CSMD1: variants seen among roughly 807,000 people sequenced by gnomAD.
The protein encoded by CSMD1 is CUB and Sushi multiple domains 1, also known as CUB and sushi domain-containing protein 1.
CSMD1 carries 213 observed loss-of-function variants against 417.5 expected under a neutral mutation model. That is an observed-to-expected ratio of 0.51 (90% CI 0.46 to 0.57). CSMD1 has a LOEUF of 0.57. Among genes scored for constraint, CSMD1 ranks in the 20% least tolerant of loss-of-function variants. The probability of loss-of-function intolerance (pLI) is 0.00; values close to 1 mark genes in which losing one functional copy is unlikely to be tolerated. For missense variants in CSMD1, 6,923 were observed against 4,529.7 expected, an observed-to-expected ratio of 1.53 and a Z score of -15.17; for synonymous variants, 2,862 against 1,736.8, an observed-to-expected ratio of 1.65 and a Z score of -16.11.
At chr8:3,753,905 T>G (rs767597298) in intron 6 of CSMD1, 25 bp downstream of exon 6, 2 of 1,507,910 alleles carry the variant, frequency 1.3e-6, no homozygotes, top group Non-Finnish European at 1.8e-6. Flanking sequence ...TTTTTTTTTT[T>G]TCTTATAAGA....
chr8:4,635,011 G>A (rs1585367403), intron 2 of CSMD1, among the ~76,000 whole-genome samples: 1 of 152,092 alleles, frequency 6.6e-6, no homozygotes, highest in Non-Finnish European at 1.5e-5. Context: ...ATAGGAGGAA[G>A]AAATATAAAA....
intron 5 of CSMD1, among the ~76,000 whole-genome samples, chr8:3,928,413 C>T (rs1162332317): frequency 1.3e-5 from 2 of 152,162 alleles, no homozygotes; most frequent in Non-Finnish European, 2.9e-5. Flanking sequence ...TCAGCACAAG[C>T]AATGAGTCCT....
chr8:3,492,669 C>G (rs1208809657), intron 11 of CSMD1, among the ~76,000 whole-genome samples: 1 of 152,170 alleles, frequency 6.6e-6, no homozygotes, highest in Non-Finnish European at 1.5e-5. Flanking sequence ...CTGGAAGTAG[C>G]TGAAGCAGAT....
chr8:3,245,012 T>G (rs1315133718), intron 26 of CSMD1, among the ~76,000 whole-genome samples: 1 of 152,198 alleles, frequency 6.6e-6, no homozygotes, highest in African/African-American at 2.4e-5. Context: ...AGATTCTGAA[T>G]TTGGTGCTCA....
At chr8:4,945,545 C>T (rs1808308877) in intron 1 of CSMD1, among the ~76,000 whole-genome samples, 1 of 150,156 alleles carries the variant, frequency 6.7e-6, no homozygotes, top group South Asian at 2.1e-4. Flanking sequence ...AAGTGGTACT[C>T]AGTAAAAATG....
At chr8:4,514,832 C>A (rs981585877) in intron 2 of CSMD1, among the ~76,000 whole-genome samples, 1 of 152,146 alleles carries the variant, frequency 6.6e-6, no homozygotes, top group African/African-American at 2.4e-5. Flanking sequence ...TGTTTTCCAA[C>A]TTGTACAGGT....
intron 10 of CSMD1, among the ~76,000 whole-genome samples, chr8:3,524,103 A>G (rs1797646155): frequency 6.6e-6 from 1 of 151,584 alleles, no homozygotes; most frequent in Non-Finnish European, 1.5e-5. Context: ...ACACCCAGAG[A>G]GACATATGGA....
chr8:3,792,986 C>T (rs1335407726), intron 5 of CSMD1, among the ~76,000 whole-genome samples: 1 of 152,174 alleles, frequency 6.6e-6, no homozygotes, highest in Non-Finnish European at 1.5e-5. Context: ...GAACCATCCA[C>T]TCTACCACAG....
At chr8:3,134,662 C>T (rs773882825) in intron 41 of CSMD1, among the ~76,000 whole-genome samples, 2 of 152,178 alleles carry the variant, frequency 1.3e-5, no homozygotes, top group African/African-American at 4.8e-5. Context: ...CTGACTAAAT[C>T]GTTGGATTTA....
chr8:4,211,947 G>A (rs1345660664), intron 3 of CSMD1, among the ~76,000 whole-genome samples: 7 of 152,084 alleles, frequency 4.6e-5, no homozygotes, highest in Non-Finnish European at 1.0e-4. Context: ...AAAGTCAACT[G>A]TATTCCTATC....
chr8:3,084,400 G>A (rs779585156), intron 49 of CSMD1, among the ~76,000 whole-genome samples: 1 of 151,732 alleles, frequency 6.6e-6, no homozygotes, highest in Non-Finnish European at 1.5e-5. Flanking sequence ...GTGGGTGCCT[G>A]TAATCCCAGT....
At chr8:3,480,563 G>T (rs73174878) in intron 11 of CSMD1, among the ~76,000 whole-genome samples, 1 of 151,802 alleles carries the variant, frequency 6.6e-6, no homozygotes. Flanking sequence ...GGCAAAACAC[G>T]TGAATTTATA....
At chr8:4,056,390 T>A (rs1216243500) in intron 3 of CSMD1, among the ~76,000 whole-genome samples, 3 of 150,330 alleles carry the variant, frequency 2.0e-5, no homozygotes, top group Non-Finnish European at 4.4e-5. Context: ...GCCATATTGG[T>A]GAATTTCTTT....
chr8:3,722,153 G>A (rs76927857), intron 6 of CSMD1, among the ~76,000 whole-genome samples: 2,482 of 152,056 alleles, frequency 0.016, 55 homozygotes, highest in African/African-American at 0.044. Context: ...GACTAAGAAT[G>A]CAAAAATTAG....
intron 8 of CSMD1, among the ~76,000 whole-genome samples, chr8:3,601,436 C>T (rs1425591567): frequency 6.6e-6 from 1 of 152,166 alleles, no homozygotes; most frequent in African/African-American, 2.4e-5. Context: ...GAAAAGCAAG[C>T]CCATCTGTAT....
At chr8:4,531,787 CAG>C (rs1451159207) in intron 2 of CSMD1, among the ~76,000 whole-genome samples, 2 of 152,174 alleles carry the variant, frequency 1.3e-5, no homozygotes, top group African/African-American at 4.8e-5. Context: ...AGTATATGTG[CAG>C]AGTTTTACAG....
At chr8:3,145,787 T>C (rs977051887) in intron 40 of CSMD1, among the ~76,000 whole-genome samples, 3 of 152,216 alleles carry the variant, frequency 2.0e-5, no homozygotes, top group African/African-American at 7.2e-5. Flanking sequence ...AAAGCATATA[T>C]ATTATTTCAA....
At chr8:4,088,691 T>C (rs34494935) in intron 3 of CSMD1, among the ~76,000 whole-genome samples, 61,553 of 151,982 alleles carry the variant, frequency 0.41, 13,228 homozygotes, top group Admixed American at 0.47. Flanking sequence ...CCTCAGTTCA[T>C]TGCAATCAGC....
chr8:4,484,479 G>C (rs1438473336), intron 2 of CSMD1, among the ~76,000 whole-genome samples: 1 of 152,036 alleles, frequency 6.6e-6, no homozygotes, highest in Non-Finnish European at 1.5e-5. Context: ...ATTTGAAGGA[G>C]GCACAAAAGA....
Sources: allele counts gnomAD v4.1 joint callset (sites outside exome capture counted in the v4.1 genomes callset), GRCh38; gene constraint gnomAD v4.1.1; transcripts MANE v1.5; gene names NCBI Gene and HGNC (gene_info 2026-07-23, HGNC 2026-07-21).